The following ANO6 variants were observed in gnomAD, a reference collection of about 807,000 sequenced individuals.
ANO6 encodes the protein anoctamin 6, also known as anoctamin-6.
Under a neutral mutation model 117.5 loss-of-function variants are expected in ANO6, and 106 were observed. The observed-to-expected ratio is 0.90, with a 90% CI of 0.77 to 1.06. ANO6 has a LOEUF of 1.06. Ranked by LOEUF, ANO6 falls within the 50% of genes least tolerant of loss-of-function variation. ANO6 has a pLI of 0.00. For synonymous variants in ANO6, 367 were observed against 385.1 expected, an observed-to-expected ratio of 0.95 and a Z score of 0.55; for missense variants, 955 against 1,121.1, an observed-to-expected ratio of 0.85 and a Z score of 2.12.
intron 1 of ANO6, among the ~76,000 whole-genome samples, chr12:45,285,334 C>A (rs1485279676): frequency 6.6e-6 from 1 of 152,176 alleles, no homozygotes; most frequent in Non-Finnish European, 1.5e-5. Flanking sequence ...ACAGAATCAA[C>A]TATCAAAGTA....
intron 14 of ANO6, 96 bp from the exon 15 acceptor site, chr12:45,403,343 T>C: frequency 6.5e-7 from 1 of 1,533,058 alleles, no homozygotes; most frequent in Admixed American, 1.7e-5. Flanking sequence ...ATTTATTTTT[T>C]AGCCTAAACA....
At chr12:45,337,508 A>G (rs972389290) in intron 3 of ANO6, among the ~76,000 whole-genome samples, 9 of 152,124 alleles carry the variant, frequency 5.9e-5, no homozygotes, top group Admixed American at 3.3e-4. Flanking sequence ...TCACATTCTC[A>G]GAACGTATCC....
chr12:45,373,140 T>G (rs1221337025), intron 9 of ANO6, among the ~76,000 whole-genome samples: 2 of 152,026 alleles, frequency 1.3e-5, no homozygotes. Flanking sequence ...GGTAAAGGGA[T>G]CAATTCAACA....
intron 11 of ANO6, 85 bp from the exon 12 acceptor site, chr12:45,390,336 C>G (rs1942410035): frequency 9.0e-6 from 10 of 1,113,352 alleles, no homozygotes; most frequent in Non-Finnish European, 1.4e-5. Flanking sequence ...AAAATTAATT[C>G]TAAGATTTAT....
At chr12:45,424,565 G>C (rs1190869244) in intron 19 of ANO6, among the ~76,000 whole-genome samples, 1 of 151,952 alleles carries the variant, frequency 6.6e-6, no homozygotes, top group Non-Finnish European at 1.5e-5. Flanking sequence ...TCAAACTCCT[G>C]ACCTCAAGTG....
chr12:45,342,183 G>T (rs1213474328), intron 3 of ANO6, among the ~76,000 whole-genome samples: 1 of 152,122 alleles, frequency 6.6e-6, no homozygotes, highest in East Asian at 1.9e-4. Flanking sequence ...AGCTACAGGG[G>T]CTGTTTGTTG....
chr12:45,294,835 G>T (rs1939234069), intron 1 of ANO6, among the ~76,000 whole-genome samples: 1 of 152,134 alleles, frequency 6.6e-6, no homozygotes, highest in South Asian at 2.1e-4. Flanking sequence ...TGAAGGACAG[G>T]GATTGTCAAG....
intron 1 of ANO6, among the ~76,000 whole-genome samples, chr12:45,288,561 T>C (rs1204896510): frequency 2.0e-5 from 3 of 152,198 alleles, no homozygotes; most frequent in African/African-American, 7.2e-5. Context: ...TGTTGTAGTA[T>C]ATGTTTGAAT....
At chr12:45,309,539 A>G (rs1283935193) in intron 2 of ANO6, among the ~76,000 whole-genome samples, 1 of 151,966 alleles carries the variant, frequency 6.6e-6, no homozygotes, top group African/African-American at 2.4e-5. Context: ...GTTTTGTCTC[A>G]AAGTGGGTTC....
At chr12:45,317,113 G>GTGTGTGTATATATA in intron 2 of ANO6, among the ~76,000 whole-genome samples, 1,207 of 66,396 alleles carry the variant, frequency 0.018, 203 homozygotes, top group African/African-American at 0.039. Flanking sequence ...CTTTTTATAT[G>GTGTGTGTATATATA]TATATATATA....
chr12:45,322,382 A>G (rs547344848), intron 2 of ANO6, among the ~76,000 whole-genome samples: 6 of 152,296 alleles, frequency 3.9e-5, no homozygotes, highest in South Asian at 2.1e-4. Context: ...GACATAGTCA[A>G]AAGACTAATG....
intron 1 of ANO6, among the ~76,000 whole-genome samples, chr12:45,218,784 T>A (rs1947353820): frequency 6.6e-6 from 1 of 152,196 alleles, no homozygotes; most frequent in Non-Finnish European, 1.5e-5. Flanking sequence ...ACCTCTGCCT[T>A]TAATTTTGCA....
chr12:45,296,794 C>T (rs1475390105), intron 1 of ANO6, among the ~76,000 whole-genome samples: 1 of 152,062 alleles, frequency 6.6e-6, no homozygotes, highest in Non-Finnish European at 1.5e-5. Context: ...CTTAATTATT[C>T]TTCATCTGTG....
At chr12:45,330,902 ACAGTG>A (rs1940640558) in intron 2 of ANO6, among the ~76,000 whole-genome samples, 1 of 152,082 alleles carries the variant, frequency 6.6e-6, no homozygotes, top group South Asian at 2.1e-4. Context: ...ATTTTCATCA[ACAGTG>A]CTTTGTCTTA....
chr12:45,386,279 A>G (rs1942295891), intron 10 of ANO6, among the ~76,000 whole-genome samples: 1 of 152,136 alleles, frequency 6.6e-6, no homozygotes, highest in Non-Finnish European at 1.5e-5. Context: ...ATGAAAATCC[A>G]TCTCAATCCA....
intron 19 of ANO6, among the ~76,000 whole-genome samples, chr12:45,426,396 C>T (rs990511835): frequency 1.3e-5 from 2 of 152,174 alleles, no homozygotes; most frequent in African/African-American, 4.8e-5. Flanking sequence ...TCCATCCTTA[C>T]CTCACCAGTC....
rs374332981 is a variant in ANO6, at chr12:45,315,155, G to A, written c.150+13062G>A. ...AAATGTTCTGCCTCTGTGCTAACAC[G>A]ATAGCCACTGACCACACATGGGTAT... On this transcript the variant is annotated intron_variant, in intron 2 of 19. Transcript: ENST00000320560. Among the ~76,000 whole-genome samples, 18 of 152,216 alleles carry A rather than the reference G, an allele frequency of 1.2e-4. 1 individual carries two copies. The East Asian group carries it at 1.4e-3, about 11-fold the overall frequency.
At chr12:45,393,263 T>A (rs1942506727) in intron 12 of ANO6, among the ~76,000 whole-genome samples, 1 of 152,096 alleles carries the variant, frequency 6.6e-6, no homozygotes, top group African/African-American at 2.4e-5. Flanking sequence ...GAAGATCAAA[T>A]TAATGAAATA....
chr12:45,430,567 TTCATAA>T lies in ANO6; in HGVS notation c.*1260_*1265del, dbSNP rs1055883402. ...TAGAGACAGGAGTATACCCAGCTTA[TTCATAA>T]TCAAGTAAAGAGACTCAGATTAGAT... On this transcript the variant is annotated 3_prime_UTR_variant, in exon 20 of 20. Transcript: ENST00000320560. 1.0e-6 allele frequency: 1 copy of T among 985,452 alleles called. No homozygotes were observed. Among genetic ancestry groups the T allele is most frequent in the Admixed American group, 6.1e-5 (1 of 16,282 alleles). 61.0% of individuals were successfully genotyped at this position (985,452 alleles called of 1,614,324 possible).
Sources: gnomAD v4.1 joint callset for allele counts (sites outside exome capture counted in the v4.1 genomes callset) on GRCh38, gnomAD v4.1.1 for gene constraint, MANE v1.5 for transcripts, NCBI Gene and HGNC (gene_info 2026-07-23, HGNC 2026-07-21) for gene names.